GABRD: variants seen among roughly 807,000 people sequenced by gnomAD.
GABRD encodes gamma-aminobutyric acid type A receptor subunit delta.
A neutral mutation model predicts 47.3 loss-of-function variants in GABRD; 25 were observed. The ratio of observed to expected loss-of-function variants is 0.53; its 90% confidence interval spans 0.39 to 0.74. The LOEUF is 0.74. Among genes scored for constraint, GABRD ranks in the 30% least tolerant of loss-of-function variants. The pLI is 0.00. For missense variants in GABRD, 497 were observed against 643.4 expected, an observed-to-expected ratio of 0.77 and a Z score of 2.46; for synonymous variants, 314 against 278.8, an observed-to-expected ratio of 1.13 and a Z score of -1.26.
In GABRD at chr1:2,030,054, C is replaced by T. The variant is rs866137397; in HGVS notation, c.1131C>T (p.Ser377=). 3 of 1,611,796 alleles carry T rather than the reference C, an allele frequency of 1.9e-6. No homozygotes were observed. Among genetic ancestry groups the T allele is most frequent in the Non-Finnish European group, 2.5e-6 (3 of 1,179,480 alleles). ...AAGVTQELAI[S]RRQRRVPGNL... ...GCGTCACGCAGGAGCTGGCCATCTC[C>T]CGCCGGCAGCGCCGCGTCCCGGGGA... The change falls in exon 9 of 9, where the codon TCC becomes TCT. Residue 377 remains serine (S), a synonymous_variant. Coordinates refer to ENST00000378585, the MANE Select transcript of GABRD (RefSeq NM_000815.5).
Position 2,030,143 on chromosome 1 carries a change from C to G in GABRD, c.1220C>G (p.Ala407Gly). The G allele has an allele frequency of 1.3e-6, 2 of 1,578,002 alleles. No individual in the cohort carries two copies. The highest frequency in any genetic ancestry group is 1.7e-6 in the Non-Finnish European group (2 of 1,161,040). ...ETGETKKEGA[A>G]RSGGQGGIRA... ...GGGGAGACGAAGAAGGAGGGGGCAG[C>G]CCGCTCAGGAGGCCAGGGGGGCATC... is the stretch of plus-strand genomic sequence containing the variant. The change falls in exon 9 of 9, where the codon GCC (alanine) becomes GGC (glycine). Residue 407 changes from alanine to glycine, a missense_variant. Physicochemically the swap from Ala to Gly is moderately conservative, Grantham distance 60. Coordinates refer to ENST00000378585, the MANE Select transcript of GABRD (RefSeq NM_000815.5).
intron 1 of GABRD, among the ~76,000 whole-genome samples, chr1:2,022,641 G>A (rs904562543): frequency 7.9e-5 from 12 of 152,388 alleles, no homozygotes; most frequent in Admixed American, 4.6e-4. Flanking sequence ...AGCCCTTTGC[G>A]TCCGACCTTC....
chr1:2,025,780 CG>C (rs3831907), intron 4 of GABRD, 42 bp downstream of exon 4: 175,931 of 1,570,166 alleles, frequency 0.11, 10,785 homozygotes, highest in African/African-American at 0.21. Flanking sequence ...AGAGCCTGCC[CG>C]GGCCAAGCGT....
In GABRD at chr1:2,025,431, C is replaced by T. The variant is rs201900264; in HGVS notation, c.249+30C>T. On this transcript the variant is annotated intron_variant, in intron 3 of 8. Transcript: ENST00000378585. Reference sequence around the variant, plus strand: ...GTGCCACCAGCCTCTGCCTCAGGCACGGTGGGTGCCCACAGCCTCTGCCCT... The same window carrying T: ...GTGCCACCAGCCTCTGCCTCAGGCATGGTGGGTGCCCACAGCCTCTGCCCT... 2.0e-3 allele frequency: 3,190 copies of T among 1,612,626 alleles called. 8 individuals are homozygous for T. Among genetic ancestry groups the T allele is most frequent in the Non-Finnish European group, 2.5e-3 (2,982 of 1,179,696 alleles).
intron 4 of GABRD, chr1:2,026,845 A>AC: frequency 6.8e-6 from 1 of 147,582 alleles, no homozygotes; most frequent in African/African-American, 2.5e-5. Flanking sequence ...AAAAAAAAAA[A>AC]CAAACAAAAA....
Position 2,028,423 on chromosome 1 carries a change from C to CT in GABRD, c.691+131_691+132insT, listed in dbSNP as rs35354651. On this transcript the variant is annotated intron_variant, in intron 6 of 8. Coordinates refer to ENST00000378585, the MANE Select transcript of GABRD (RefSeq NM_000815.5). The surrounding 1 kb of genome is among the most constrained non-coding windows in gnomAD (Gnocchi z 6.4). The stretch of plus-strand genomic sequence containing the variant: ...GTGGTTTTCATGCTTTTTAGTCAAG[C>CT]GCCCGCAGGCCCCCAGGGCCTCTGG... 0.021 allele frequency: 20,931 copies of CT among 986,342 alleles called. 1,190 individuals are homozygous for CT. The highest frequency in any genetic ancestry group is 0.024 in the Non-Finnish European group (18,756 of 772,344). The allele number at this position is 986,342 out of a possible 1,614,324, so 61.1% of individuals were successfully genotyped here. A position where few individuals can be genotyped will look rare whatever the true frequency, so the allele number is the denominator to read the frequency against.
chr1:2,020,787 A>G (rs1447954641), intron 1 of GABRD, among the ~76,000 whole-genome samples: 1 of 152,172 alleles, frequency 6.6e-6, no homozygotes, highest in Non-Finnish European at 1.5e-5. Flanking sequence ...TGAAACCCCA[A>G]AGTTTTAGCC....
intron 1 of GABRD, among the ~76,000 whole-genome samples, 157 bp downstream of exon 1, chr1:2,019,648 G>A (rs1658720769): frequency 6.6e-6 from 1 of 151,596 alleles, no homozygotes; most frequent in African/African-American, 2.4e-5. Flanking sequence ...TTGCCCCGCG[G>A]GCCCCTCGTT....
Position 2,025,746 on chromosome 1 carries a change from G to A in GABRD, c.470+8G>A. On this transcript the variant is annotated splice_region_variant and intron_variant, in intron 4 of 8. Transcript: ENST00000378585. Reference sequence around the variant, plus strand: ...GATCCTGTACAGCATCCGGTGAGCGGGCTGCCCACCCGGACTCCGGGGGAG... The same window carrying A: ...GATCCTGTACAGCATCCGGTGAGCGAGCTGCCCACCCGGACTCCGGGGGAG... The A allele has an allele frequency of 6.2e-7, 1 of 1,609,916 alleles. No individual in the cohort carries two copies. The highest frequency in any genetic ancestry group is 8.5e-7 in the Non-Finnish European group (1 of 1,177,690).
At chr1:2,020,043 G>T (rs531388335) in intron 1 of GABRD, among the ~76,000 whole-genome samples, 1 of 152,364 alleles carries the variant, frequency 6.6e-6, no homozygotes, top group East Asian at 1.9e-4. Context: ...AAATGGCGTG[G>T]GCAGAACTCC....
rs2102152967 is a variant in GABRD at position 2,029,612 on chromosome 1, G to A, written c.909G>A (p.Arg303=). 1 of 1,613,274 alleles carries A rather than the reference G, an allele frequency of 6.2e-7. No individual in the cohort carries two copies. Among genetic ancestry groups the A allele is most frequent in the African/African-American group, 1.3e-5 (1 of 75,056 alleles). ...TCAGTGCCCGCTCCTCCCTGCCACG[G>A]GCATCAGCCATCAAGGCACTGGACG... ...LMVSARSSLP[R]ASAIKALDVY... is the part of the protein sequence containing the mutation. Residue 303 remains arginine, a synonymous_variant, in exon 8 of 9, where the codon CGG becomes CGA. Transcript: ENST00000378585.
In GABRD at chr1:2,027,777, GCTTCT is replaced by G. The variant is rs1306421058; in HGVS notation, c.553+119_553+123del. ...CAGGATGCAGGAAAGCACCAAACCA[GCTTCT>G]GCATGCAAGAAGCCTGGGCAGGAGG... On this transcript the variant is annotated intron_variant, in intron 5 of 8. Coordinates refer to ENST00000378585, the MANE Select transcript of GABRD (RefSeq NM_000815.5). 1.2e-5 allele frequency: 11 copies of G among 900,940 alleles called. No homozygotes were observed. In the African/African-American group the frequency reaches 1.8e-4, roughly 15 times the overall value. 55.8% of individuals were successfully genotyped at this position (900,940 alleles called of 1,614,324 possible). A position where few individuals can be genotyped will look rare whatever the true frequency, so the allele number is the denominator to read the frequency against.
At chr1:2,020,941 C>A (rs1298474643) in intron 1 of GABRD, among the ~76,000 whole-genome samples, 1 of 152,258 alleles carries the variant, frequency 6.6e-6, no homozygotes, top group African/African-American at 2.4e-5. Flanking sequence ...CAGCCACAGC[C>A]TCTGTGTCCA....
At chr1:2,021,392 C>T (rs1192150378) in intron 1 of GABRD, among the ~76,000 whole-genome samples, 1 of 152,118 alleles carries the variant, frequency 6.6e-6, no homozygotes, top group African/African-American at 2.4e-5. Context: ...CCATGAAGGG[C>T]CTCTCTGTAT....
rs759009305 is a variant in GABRD at position 2,029,687 on chromosome 1, C to T, written c.984C>T (p.Tyr328=). 13 of 1,613,454 alleles carry T rather than the reference C, an allele frequency of 8.1e-6. No individual in the cohort carries two copies. The highest frequency in any genetic ancestry group is 1.6e-4 in the Middle Eastern group (1 of 6,084). Reference sequence around the variant, plus strand: ...TCGTGTTTGCCGCCCTGGTGGAGTACGCCTTTGCTCATTTCAACGCCGACT... The same window carrying T: ...TCGTGTTTGCCGCCCTGGTGGAGTATGCCTTTGCTCATTTCAACGCCGACT... The part of the protein sequence containing the change: ...YVFVFAALVE[Y]AFAHFNADYR... Residue 328 remains tyrosine, a synonymous_variant, in exon 8 of 9, where the codon TAC becomes TAT. Coordinates refer to ENST00000378585, the MANE Select transcript of GABRD (RefSeq NM_000815.5).
At chr1:2,027,428 AG>A in intron 4 of GABRD, 148 bp from the exon 5 acceptor site, 1 of 707,214 alleles carries the variant, frequency 1.4e-6, no homozygotes, top group South Asian at 1.5e-5. Flanking sequence ...AGCAGTTTCC[AG>A]GTTTACCTGG....
chr1:2,027,498 A>C lies in GABRD; in HGVS notation c.471-79A>C, dbSNP rs756144316. The C allele has an allele frequency of 1.2e-4, 133 of 1,151,118 alleles. 1 individual carries two copies. Among genetic ancestry groups the C allele is most frequent in the Non-Finnish European group, 1.6e-4 (128 of 779,340 alleles). 71.3% of individuals were successfully genotyped at this position (1,151,118 alleles called of 1,614,324 possible). A position where few individuals can be genotyped will look rare whatever the true frequency, so the allele number is the denominator to read the frequency against. ...GGCTCCAGGCAGGTGCTCAGGGGGC[A>C]TCTCTGCAGGGGAACTGCCAGGCTT... On this transcript the variant is annotated intron_variant, in intron 4 of 8. Coordinates refer to ENST00000378585, the MANE Select transcript of GABRD (RefSeq NM_000815.5).
chr1:2,029,134 C>A lies in GABRD; in HGVS notation c.715C>A (p.Leu239Met), dbSNP rs2102152232. 7.1e-6 allele frequency: 11 copies of A among 1,544,234 alleles called. No individual in the cohort carries two copies. Among genetic ancestry groups the A allele is most frequent in the Non-Finnish European group, 9.6e-6 (11 of 1,147,154 alleles). ...AGCTGGCCAGTTCCCACGGCTCAGCCTGCACTTCCACCTGCGGAGGAACCG... is the reference window on the plus strand; with the variant it reads ...AGCTGGCCAGTTCCCACGGCTCAGCATGCACTTCCACCTGCGGAGGAACCG... ...KSAGQFPRLSLHFHLRRNRGV... is the reference protein window; with the variant it reads ...KSAGQFPRLSMHFHLRRNRGV... The change falls in exon 7 of 9, where the codon CTG (leucine) becomes ATG (methionine). Residue 239 changes from leucine (L) to methionine (M), a missense_variant. Coordinates refer to ENST00000378585, the MANE Select transcript of GABRD (RefSeq NM_000815.5).
At position 2,028,942 on chromosome 1, in the gene GABRD, G is replaced by A. The variant is rs1021816965; in HGVS notation, c.692-169G>A. 1.4e-5 allele frequency: 11 copies of A among 793,842 alleles called. No homozygotes were observed. The highest frequency in any genetic ancestry group is 8.6e-5 in the Admixed American group (3 of 34,686). The allele number at this position is 793,842 out of a possible 1,614,324, so 49.2% of individuals were successfully genotyped here. A position where few individuals can be genotyped will look rare whatever the true frequency, so the allele number is the denominator to read the frequency against. The stretch of plus-strand genomic sequence containing the variant: ...CTGTCCTGTGGCCAGACCTAGGGCC[G>A]GAGGCCCCCTGACATTTCAGGCCAT... On this transcript the variant is annotated intron_variant, in intron 6 of 8. Transcript: ENST00000378585. The surrounding 1 kb of genome is among the most constrained non-coding windows in gnomAD (Gnocchi z 6.4).
Sources: gnomAD v4.1 joint callset for allele counts (sites outside exome capture counted in the v4.1 genomes callset) on GRCh38, gnomAD v4.1.1 for gene constraint, Gnocchi (gnomAD v3.1) non-coding constraint, MANE v1.5 for transcripts, NCBI Gene and HGNC (gene_info 2026-07-23, HGNC 2026-07-21) for gene names.